SPP2: variants seen among roughly 807,000 people sequenced by gnomAD.
The protein encoded by SPP2 is secreted phosphoprotein 24.
SPP2 carries 34 observed loss-of-function variants against 28.8 expected under a neutral mutation model. The observed-to-expected ratio is 1.18, with a 90% CI of 0.90 to 1.57. SPP2 has a LOEUF of 1.57. SPP2 is among the 40% of genes most tolerant of loss of function. SPP2 has a pLI of 0.00. For synonymous variants in SPP2, 96 were observed against 89.4 expected, an observed-to-expected ratio of 1.07 and a Z score of -0.42; for missense variants, 269 against 263.9, an observed-to-expected ratio of 1.02 and a Z score of -0.13.
intron 2 of SPP2, among the ~76,000 whole-genome samples, chr2:234,055,178 T>C (rs180847321): frequency 1.7e-4 from 26 of 152,288 alleles, no homozygotes; most frequent in African/African-American, 6.3e-4. Context: ...AGATTTATTA[T>C]AAGGAATTGC....
chr2:234,063,742 CTCTCTT>C (rs920933976), intron 4 of SPP2, among the ~76,000 whole-genome samples: 2 of 152,116 alleles, frequency 1.3e-5, no homozygotes, highest in African/African-American at 4.8e-5. Flanking sequence ...TAGGTTGGAG[CTCTCTT>C]TCTCTTTCTT....
chr2:234,061,188 AT>A (rs537501715), intron 4 of SPP2, among the ~76,000 whole-genome samples: 2 of 152,132 alleles, frequency 1.3e-5, no homozygotes, highest in African/African-American at 2.4e-5. Flanking sequence ...TAATATATAC[AT>A]TTTTTCCTTG....
intron 6 of SPP2, among the ~76,000 whole-genome samples, chr2:234,068,432 G>A (rs1019582302): frequency 4.6e-5 from 7 of 152,264 alleles, no homozygotes; most frequent in South Asian, 2.1e-4. Context: ...GAAGAACTGC[G>A]AAATCCACCT....
chr2:234,074,919 T>C (rs1690866541), intron 7 of SPP2, among the ~76,000 whole-genome samples: 1 of 151,662 alleles, frequency 6.6e-6, no homozygotes, highest in Non-Finnish European at 1.5e-5. Context: ...TCACAGCCTT[T>C]TTGCACTTAG....
chr2:234,071,980 C>T (rs570830713), intron 7 of SPP2, among the ~76,000 whole-genome samples: 1 of 152,368 alleles, frequency 6.6e-6, no homozygotes, highest in South Asian at 2.1e-4. Context: ...TGTCACCCAT[C>T]TGACTAACAG....
At position 234,058,323 on chromosome 2, in the gene SPP2, A is replaced by G. The variant is rs540209307; in HGVS notation, c.211-513A>G. Among the ~76,000 whole-genome samples, 8 of 152,330 alleles carry G rather than the reference A, an allele frequency of 5.3e-5. No homozygotes were observed. The South Asian group carries it at 1.2e-3, about 24-fold the overall frequency. On this transcript the variant is annotated intron_variant, in intron 2 of 7. Coordinates refer to ENST00000168148, the MANE Select transcript of SPP2 (RefSeq NM_006944.3). ...TGCAAAAAAAGCCACGAAATAGACC[A>G]TAAAAAGCACACTTGTTTTCAATAT...
intron 2 of SPP2, among the ~76,000 whole-genome samples, chr2:234,052,250 C>T (rs1693513218): frequency 6.6e-6 from 1 of 152,072 alleles, no homozygotes. Context: ...TTGAGCTGCT[C>T]CTGGATCAGA....
intron 2 of SPP2, among the ~76,000 whole-genome samples, chr2:234,052,691 C>T (rs1045977653): frequency 6.6e-6 from 1 of 152,206 alleles, no homozygotes; most frequent in Non-Finnish European, 1.5e-5. Flanking sequence ...AAGTACACTG[C>T]TCCTTTACCT....
intron 4 of SPP2, among the ~76,000 whole-genome samples, chr2:234,063,098 G>A (rs1693751750): frequency 6.6e-6 from 1 of 152,076 alleles, no homozygotes; most frequent in African/African-American, 2.4e-5. Context: ...TGGAAACTCT[G>A]AAATGAATTT....
At chr2:234,057,485 C>T (rs1019697774) in intron 2 of SPP2, among the ~76,000 whole-genome samples, 1 of 152,200 alleles carries the variant, frequency 6.6e-6, no homozygotes, top group Non-Finnish European at 1.5e-5. Context: ...AAAACAGCTG[C>T]TTCCTTCCCT....
intron 4 of SPP2, among the ~76,000 whole-genome samples, chr2:234,065,702 A>T (rs887450261): frequency 6.6e-6 from 1 of 151,714 alleles, no homozygotes; most frequent in African/African-American, 2.4e-5. Flanking sequence ...CTTTTTATTT[A>T]GTTGTTTTGA....
intron 2 of SPP2, 82 bp from the exon 3 acceptor site, chr2:234,058,754 T>G: frequency 6.9e-7 from 1 of 1,457,786 alleles, no homozygotes; most frequent in Non-Finnish European, 9.2e-7. Context: ...AATTTTTTTC[T>G]TATGGGGTAG....
chr2:234,052,464 G>T (rs1267343623), intron 2 of SPP2, among the ~76,000 whole-genome samples: 1 of 152,206 alleles, frequency 6.6e-6, no homozygotes, highest in Non-Finnish European at 1.5e-5. Context: ...CATGAGGATA[G>T]ATCCCAAGAG....
intron 2 of SPP2, among the ~76,000 whole-genome samples, chr2:234,057,112 C>G (rs550754931): frequency 6.6e-6 from 1 of 152,064 alleles, no homozygotes; most frequent in Non-Finnish European, 1.5e-5. Flanking sequence ...GGTACTGGAC[C>G]GTGGCAGGCT....
intron 7 of SPP2, 111 bp downstream of exon 7, chr2:234,070,134 C>T: frequency 1.2e-6 from 1 of 805,068 alleles, no homozygotes; most frequent in South Asian, 1.5e-5. Flanking sequence ...CAAATCCTTG[C>T]TTTTCGGCTT....
At chr2:234,071,556 C>T (rs554824300) in intron 7 of SPP2, among the ~76,000 whole-genome samples, 2 of 152,280 alleles carry the variant, frequency 1.3e-5, no homozygotes, top group East Asian at 1.9e-4. Flanking sequence ...TTATAGATGT[C>T]GATTCCATGC....
intron 2 of SPP2, among the ~76,000 whole-genome samples, chr2:234,058,267 A>G (rs752792302): frequency 2.0e-5 from 3 of 151,968 alleles, no homozygotes; most frequent in Non-Finnish European, 2.9e-5. Flanking sequence ...GGCCATCATA[A>G]ACATAAAGCT....
chr2:234,059,867 T>C (rs188947100), intron 3 of SPP2, among the ~76,000 whole-genome samples: 2 of 152,284 alleles, frequency 1.3e-5, no homozygotes, highest in African/African-American at 4.8e-5. Flanking sequence ...AGTCCAAAAT[T>C]TGTTTTCCAA....
chr2:234,054,817 G>A (rs1693574140), intron 2 of SPP2, among the ~76,000 whole-genome samples: 2 of 152,132 alleles, frequency 1.3e-5, no homozygotes, highest in Admixed American at 1.3e-4. Flanking sequence ...ATGCTGGTGT[G>A]GGGTCTCAAG....
Sources: gnomAD v4.1 joint callset for allele counts (sites outside exome capture counted in the v4.1 genomes callset) on GRCh38, gnomAD v4.1.1 for gene constraint, MANE v1.5 for transcripts, NCBI Gene and HGNC (gene_info 2026-07-23, HGNC 2026-07-21) for gene names.